ZNF875: variants seen among roughly 807,000 people sequenced by gnomAD.
The protein encoded by ZNF875 is HKR1, GLI-Kruppel zinc finger family member.
A neutral mutation model predicts 11.2 loss-of-function variants in ZNF875; 14 were observed. The ratio of observed to expected loss-of-function variants is 1.26; its 90% confidence interval spans 0.83 to 1.96. ZNF875 has a LOEUF of 1.96. ZNF875 is among the 30% of genes most tolerant of loss of function. The probability of loss-of-function intolerance (pLI) is 0.00; values close to 1 mark genes in which losing one functional copy is unlikely to be tolerated. For synonymous variants in ZNF875, 301 were observed against 281.1 expected (o/e 1.07, Z -0.71); for missense variants, 752 against 760.4 (o/e 0.99, Z 0.13).
At chr19:37,358,644 G>C (rs1332751329) in intron 4 of ZNF875, 1 of 150,560 alleles carries the variant, frequency 6.6e-6, no homozygotes, top group African/African-American at 2.4e-5. Flanking sequence ...TCAGCCTCCC[G>C]ATTAGCTGGG....
rs2040422514 is a variant in ZNF875 at position 37,364,032 on chromosome 19, G to A, written c.*257G>A. 2.2e-6 allele frequency: 1 copy of A among 453,242 alleles called. No individual in the cohort carries two copies. Among genetic ancestry groups the A allele is most frequent in the African/African-American group, 2.0e-5 (1 of 50,904 alleles). The allele number at this position is 453,242 out of a possible 1,614,324, so 28.1% of individuals were successfully genotyped here. On this transcript the variant is annotated 3_prime_UTR_variant, in exon 5 of 5. Transcript: ENST00000392153. ...ATGGTGGGTTGTGGAAACCCGGTCAGGTAATGATAGTGGCAGGAGGCAGTC... is the reference window on the plus strand; with the variant it reads ...ATGGTGGGTTGTGGAAACCCGGTCAAGTAATGATAGTGGCAGGAGGCAGTC...
At chr19:37,320,884 T>C (rs571871210) in intron 1 of ZNF875, among the ~76,000 whole-genome samples, 1 of 152,352 alleles carries the variant, frequency 6.6e-6, no homozygotes, top group Admixed American at 6.5e-5. Flanking sequence ...AGAAAAATTA[T>C]TCTGCCTTGA....
chr19:37,326,101 C>A (rs1324414601), intron 4 of ZNF875, among the ~76,000 whole-genome samples: 2 of 152,202 alleles, frequency 1.3e-5, no homozygotes, highest in Non-Finnish European at 1.5e-5. Context: ...CTTGGCCTTC[C>A]AAAGTGCTGG....
intron 4 of ZNF875, among the ~76,000 whole-genome samples, chr19:37,327,200 C>G (rs1209322686): frequency 4.6e-5 from 7 of 151,626 alleles, no homozygotes; most frequent in Non-Finnish European, 1.5e-5. Flanking sequence ...ACCATGTTGG[C>G]CAGGCTGGTT....
upstream of ZNF875, chr19:37,334,604 C>G: frequency 6.8e-6 from 3 of 442,714 alleles, no homozygotes; most frequent in Non-Finnish European, 9.1e-6. Flanking sequence ...CGGTCACTTC[C>G]GCTCCCCTCC....
At position 37,327,015 on chromosome 19, in the gene ZNF875, T is replaced by TG. The variant is rs543287078; in HGVS notation, c.-603+2751dup. On this transcript the variant is annotated intron_variant, in intron 4 of 5. Transcript: ENST00000544914. The stretch of plus-strand genomic sequence containing the variant: ...TATTATAATTTTTTTTTTTTCGAGA[T>TG]GAAGTCTTGCTCTGTCTCCCAGGCT... Among the ~76,000 whole-genome samples, 19 of 151,600 alleles carry TG rather than the reference T, an allele frequency of 1.3e-4. No individual in the cohort carries two copies. The South Asian group carries it at 4.0e-3, about 32-fold the overall frequency.
At chr19:37,361,819 A>G in intron 4 of ZNF875, 3 of 313,810 alleles carry the variant, frequency 9.6e-6, no homozygotes, top group Non-Finnish European at 1.8e-5. Context: ...CGGGAGGCTA[A>G]GGCAGGAGAA....
At position 37,363,910 on chromosome 19, in the gene ZNF875, A is replaced by G. The variant is rs1475659524; in HGVS notation, c.*135A>G. The G allele has an allele frequency of 7.2e-6, 5 of 691,982 alleles. No individual in the cohort carries two copies. In the East Asian group the frequency reaches 1.4e-4, roughly 19 times the overall value. 42.9% of individuals were successfully genotyped at this position (691,982 alleles called of 1,614,324 possible). ...CCAAAGTGGAGACATTCTGTGTGTG[A>G]TTATGCATGAGACTGTACTGGTAAG... On this transcript the variant is annotated 3_prime_UTR_variant, in exon 5 of 5. Coordinates refer to ENST00000392153, the MANE Select transcript of ZNF875 (RefSeq NM_001353803.2).
chr19:37,314,099 T>TA (rs937829149), upstream of ZNF875, among the ~76,000 whole-genome samples: 6 of 151,912 alleles, frequency 3.9e-5, no homozygotes, highest in East Asian at 5.8e-4. Context: ...CTTTGTTTTC[T>TA]AAAAAAAATT....
chr19:37,363,603 G>T lies in ZNF875; in HGVS notation c.1751G>T (p.Gly584Val). The change falls in exon 5 of 5, where the codon GGG becomes GTG. Residue 584 changes from glycine (G) to valine (V), a missense_variant. By Grantham distance (109) the Gly-to-Val change is moderately radical. Transcript: ENST00000392153. The stretch of plus-strand genomic sequence containing the variant: ...ATTAAACACCAGAGAGCACACGCAG[G>T]GGGGAAGCCTCATGTGTGCAGGGAG... Reference protein sequence around the residue: ...TLIKHQRAHAGGKPHVCRECG... With the variant: ...TLIKHQRAHAVGKPHVCRECG... 2 of 1,613,808 alleles carry T rather than the reference G, an allele frequency of 1.2e-6. No homozygotes were observed. The highest frequency in any genetic ancestry group is 1.1e-5 in the South Asian group (1 of 91,036).
At chr19:37,353,573 A>G (rs534581082) in intron 4 of ZNF875, among the ~76,000 whole-genome samples, 1 of 152,302 alleles carries the variant, frequency 6.6e-6, no homozygotes, top group African/African-American at 2.4e-5. Context: ...TTCATCCTGA[A>G]AGACTTCCTT....
chr19:37,343,385 A>AG (rs2036150398), intron 2 of ZNF875, among the ~76,000 whole-genome samples: 1 of 151,570 alleles, frequency 6.6e-6, no homozygotes, highest in Non-Finnish European at 1.5e-5. Flanking sequence ...AAAAAAAAAA[A>AG]CCAAACAAAC....
At chr19:37,341,236 C>G (rs961150981) in intron 2 of ZNF875, among the ~76,000 whole-genome samples, 13 of 152,192 alleles carry the variant, frequency 8.5e-5, no homozygotes, top group African/African-American at 2.9e-4. Flanking sequence ...AATGAACAAT[C>G]CTAAACATCA....
At position 37,347,790 on chromosome 19, in the gene ZNF875, T is replaced by C; in HGVS notation, c.174T>C (p.Ser58=). The C allele has an allele frequency of 1.2e-6, 2 of 1,612,602 alleles. No individual in the cohort carries two copies. Among genetic ancestry groups the C allele is most frequent in the Non-Finnish European group, 1.7e-6 (2 of 1,178,624 alleles). The part of the protein sequence containing the change: ...NHLVSLEIPS[S]KPKLIAQLER... The stretch of plus-strand genomic sequence containing the variant: ...CCCTATGAACAGAAATTCCATCTTC[T>C]AAACCAAAACTCATTGCTCAGCTGG... The change falls in exon 4 of 5, where the codon TCT becomes TCC. Residue 58 remains serine, a synonymous_variant. Coordinates refer to ENST00000392153, the MANE Select transcript of ZNF875 (RefSeq NM_001353803.2).
intron 2 of ZNF875, among the ~76,000 whole-genome samples, chr19:37,336,374 G>A (rs2034419856): frequency 1.4e-5 from 2 of 147,532 alleles, no homozygotes; most frequent in Non-Finnish European, 3.0e-5. Flanking sequence ...ATCTCGGCTC[G>A]CTGCAGACTC....
chr19:37,337,932 A>C (rs1383115689), intron 2 of ZNF875, among the ~76,000 whole-genome samples: 6 of 152,176 alleles, frequency 3.9e-5, no homozygotes. Flanking sequence ...GAATTTAGAC[A>C]GGAAAAGAGA....
At chr19:37,340,302 G>A (rs529337319) in intron 2 of ZNF875, among the ~76,000 whole-genome samples, 126 of 152,102 alleles carry the variant, frequency 8.3e-4, no homozygotes, top group Non-Finnish European at 1.5e-3. Flanking sequence ...ACTTTTATTT[G>A]CTTTTATTTT....
In ZNF875 at chr19:37,362,434, A is replaced by G. The variant is rs747194643; in HGVS notation, c.582A>G (p.Thr194=). The G allele has an allele frequency of 1.4e-5, 22 of 1,614,068 alleles. 1 individual carries two copies. In the South Asian group the frequency reaches 2.3e-4, roughly 17 times the overall value. The part of the protein sequence containing the change: ...QQPAQSKEDN[T]VVDIGSSPER... The stretch of plus-strand genomic sequence containing the variant: ...CAGCACAGTCCAAGGAAGACAACAC[A>G]GTGGTGGATATAGGGTCCAGCCCTG... Residue 194 remains threonine, a synonymous_variant, in exon 5 of 5, where the codon ACA becomes ACG. Coordinates refer to ENST00000392153, the MANE Select transcript of ZNF875 (RefSeq NM_001353803.2).
intron 4 of ZNF875, among the ~76,000 whole-genome samples, chr19:37,358,969 C>T (rs974810931): frequency 4.6e-5 from 7 of 151,928 alleles, no homozygotes; most frequent in Non-Finnish European, 7.4e-5. Flanking sequence ...GGCACAATCT[C>T]GGCTCACTGC....
Sources: gnomAD v4.1 joint callset for allele counts (sites outside exome capture counted in the v4.1 genomes callset) on GRCh38, gnomAD v4.1.1 for gene constraint, MANE v1.5 for transcripts, NCBI Gene and HGNC (gene_info 2026-07-23, HGNC 2026-07-21) for gene names.